Variants in CHN1 observed in about 807,000 individuals in gnomAD.
CHN1 encodes N-chimaerin.
A neutral mutation model predicts 59.5 loss-of-function variants in CHN1; 37 were observed. That is an observed-to-expected ratio of 0.62 (90% CI 0.48 to 0.82). The LOEUF is 0.82. Ranked by LOEUF, CHN1 falls within the 40% of genes least tolerant of loss-of-function variation. The pLI, the probability that CHN1 is intolerant of heterozygous loss-of-function variation, is 0.00. For synonymous variants in CHN1, 206 were observed against 200.4 expected, an observed-to-expected ratio of 1.03 and a Z score of -0.24; for missense variants, 469 against 571.0, an observed-to-expected ratio of 0.82 and a Z score of 1.82.
chr2:174,974,101 T>C (rs1293025548), intron 1 of CHN1, among the ~76,000 whole-genome samples: 1 of 152,190 alleles, frequency 6.6e-6, no homozygotes, highest in Non-Finnish European at 1.5e-5. Flanking sequence ...ACCGTGACAA[T>C]GCCAAACATA....
At chr2:174,886,148 TGTGA>T (rs1013495766) in intron 5 of CHN1, among the ~76,000 whole-genome samples, 7 of 152,244 alleles carry the variant, frequency 4.6e-5, no homozygotes, top group African/African-American at 1.7e-4. Context: ...CATGTATAAG[TGTGA>T]GTGTGTGTAT....
At chr2:174,994,748 G>A (rs1410818092) in intron 1 of CHN1, among the ~76,000 whole-genome samples, 3 of 152,176 alleles carry the variant, frequency 2.0e-5, no homozygotes, top group Admixed American at 2.0e-4. Flanking sequence ...GGCTCATTAA[G>A]TAAAATTTTT....
chr2:174,802,331 T>C (rs1422795906), intron 11 of CHN1, among the ~76,000 whole-genome samples: 3 of 152,250 alleles, frequency 2.0e-5, no homozygotes, highest in South Asian at 2.1e-4. Context: ...AACCAAAACA[T>C]GTACCATCCA....
In CHN1 at chr2:174,840,161, C is replaced by CTTTTTTTT. The variant is rs71407154; in HGVS notation, c.627+6711_627+6718dup. On this transcript the variant is annotated intron_variant, in intron 7 of 12. Transcript: ENST00000409900. ...GCCAGTGTTTATGCATAAAACCATTCTTTTTTTTTTTTTTTTTTTTTTTTT... is the reference window on the plus strand; with the variant it reads ...GCCAGTGTTTATGCATAAAACCATTCTTTTTTTTTTTTTTTTTTTTTTTTTTTTTTTTT... Among the ~76,000 whole-genome samples the CTTTTTTTT allele has an allele frequency of 4.7e-4, 32 of 67,396 alleles. 1 individual carries two copies. Among genetic ancestry groups the CTTTTTTTT allele is most frequent in the Admixed American group, 1.4e-3 (6 of 4,252 alleles). 44.2% of individuals were successfully genotyped at this position (67,396 alleles called of 152,430 possible).
intron 7 of CHN1, chr2:174,837,268 C>T (rs1686117902): frequency 6.6e-6 from 1 of 152,140 alleles, no homozygotes; most frequent in Admixed American, 6.5e-5. Flanking sequence ...GCATGTGTAC[C>T]AGGCAGAGCA....
intron 6 of CHN1, among the ~76,000 whole-genome samples, chr2:174,865,400 T>A (rs1239602144): frequency 6.6e-6 from 1 of 152,112 alleles, no homozygotes; most frequent in Non-Finnish European, 1.5e-5. Context: ...GGTCTGGCTG[T>A]CCTCTATGAT....
chr2:174,850,763 AGGCATATAAT>A (rs958644652), intron 6 of CHN1, among the ~76,000 whole-genome samples: 1 of 152,204 alleles, frequency 6.6e-6, no homozygotes, highest in African/African-American at 2.4e-5. Context: ...AATTTTTAAA[AGGCATATAAT>A]GGCATATAAT....
intron 6 of CHN1, among the ~76,000 whole-genome samples, chr2:174,852,371 C>T (rs573101020): frequency 7.2e-5 from 11 of 152,104 alleles, no homozygotes; most frequent in South Asian, 4.2e-4. Context: ...TATGGCTAAC[C>T]AAGGAGGTGA....
At chr2:174,857,187 T>C (rs1308189994) in intron 6 of CHN1, among the ~76,000 whole-genome samples, 1 of 152,174 alleles carries the variant, frequency 6.6e-6, no homozygotes, top group Non-Finnish European at 1.5e-5. Flanking sequence ...AATTGAATAC[T>C]TAATGTGTAG....
At chr2:174,890,684 A>C (rs1029475363) in intron 5 of CHN1, among the ~76,000 whole-genome samples, 1 of 152,174 alleles carries the variant, frequency 6.6e-6, no homozygotes, top group East Asian at 1.9e-4. Context: ...CCAGATAGAC[A>C]ATCAACAAGG....
rs369522641 is a variant in CHN1 at position 174,902,206 on chromosome 2, T to C, written c.260+12852A>G. On this transcript the variant is annotated intron_variant, in intron 5 of 12. Transcript: ENST00000409900. ...TGAACAGCTATCTCCTCTTGTGCTT[T>C]TACAATACAGTTCAATTTGCAACAC... Among the ~76,000 whole-genome samples, 138 of 152,320 alleles carry C rather than the reference T, an allele frequency of 9.1e-4. 3 individuals carry two copies. In the South Asian group the frequency reaches 0.027, roughly 29 times the overall value.
At chr2:174,963,195 G>T (rs1574219222) in intron 1 of CHN1, among the ~76,000 whole-genome samples, 1 of 152,164 alleles carries the variant, frequency 6.6e-6, no homozygotes. Context: ...GATATAGTTT[G>T]TGCCTTCAAT....
intron 1 of CHN1, among the ~76,000 whole-genome samples, chr2:174,999,091 G>A (rs2105472522): frequency 6.6e-6 from 1 of 151,806 alleles, no homozygotes; most frequent in East Asian, 1.9e-4. Flanking sequence ...ACTTTTCAAT[G>A]TAAATATGGT....
At chr2:174,911,717 A>G (rs749172216) in intron 5 of CHN1, among the ~76,000 whole-genome samples, 3 of 152,224 alleles carry the variant, frequency 2.0e-5, no homozygotes, top group Non-Finnish European at 4.4e-5. Context: ...ACACTCCCCT[A>G]AACAGCACCT....
intron 1 of CHN1, among the ~76,000 whole-genome samples, chr2:174,963,866 C>T (rs745306644): frequency 4.6e-5 from 7 of 152,114 alleles, no homozygotes; most frequent in Admixed American, 6.5e-5. Flanking sequence ...TTGCAGGTGG[C>T]AGCAAGGCCT....
chr2:174,946,350 A>T (rs1689836423), intron 2 of CHN1, among the ~76,000 whole-genome samples: 1 of 152,160 alleles, frequency 6.6e-6, no homozygotes, highest in African/African-American at 2.4e-5. Context: ...TCATCACTAA[A>T]ACATAGTATC....
At chr2:174,908,846 C>T (rs541448189) in intron 5 of CHN1, among the ~76,000 whole-genome samples, 1 of 152,154 alleles carries the variant, frequency 6.6e-6, no homozygotes, top group East Asian at 1.9e-4. Context: ...AGTGACATAC[C>T]AGGGATAAAT....
intron 11 of CHN1, among the ~76,000 whole-genome samples, chr2:174,804,709 T>TCAG (rs1329777134): frequency 4.6e-5 from 7 of 152,186 alleles, no homozygotes; most frequent in Admixed American, 3.9e-4. Context: ...GTTTTTGGCT[T>TCAG]CAGCAGCAGC....
chr2:174,843,342 C>T lies in CHN1; in HGVS notation c.627+3538G>A, dbSNP rs536548984. ...GCAACCTCTGCCTCCTGGGTTCAAG[C>T]GATTGTCCTGCCTCAGCCTCCAGAG... On this transcript the variant is annotated intron_variant, in intron 7 of 12. Transcript: ENST00000409900. Among the ~76,000 whole-genome samples, 10 of 152,172 alleles carry T rather than the reference C, an allele frequency of 6.6e-5. No homozygotes were observed. The South Asian group carries it at 1.2e-3, about 19-fold the overall frequency.
Sources: gnomAD v4.1 joint callset for allele counts (sites outside exome capture counted in the v4.1 genomes callset) on GRCh38, gnomAD v4.1.1 for gene constraint, MANE v1.5 for transcripts, NCBI Gene and HGNC (gene_info 2026-07-23, HGNC 2026-07-21) for gene names.